COPZ2: variants seen among roughly 807,000 people sequenced by gnomAD.
The protein encoded by COPZ2 is coatomer subunit zeta-2.
Under a neutral mutation model 33.2 loss-of-function variants are expected in COPZ2, and 30 were observed. That is an observed-to-expected ratio of 0.90 (90% CI 0.68 to 1.23). The LOEUF is 1.23. Among genes scored for constraint, COPZ2 ranks in the 50% most tolerant of loss-of-function variants. The probability of loss-of-function intolerance (pLI) is 0.00; values close to 1 mark genes in which losing one functional copy is unlikely to be tolerated. For missense variants in COPZ2, 263 were observed against 262.4 expected, an observed-to-expected ratio of 1.00 and a Z score of -0.02; for synonymous variants, 89 against 102.6, an observed-to-expected ratio of 0.87 and a Z score of 0.80.
the COPZ2 span, chr17:48,046,163 C>T: frequency 1.3e-5 from 2 of 152,174 alleles, no homozygotes; most frequent in African/African-American, 4.8e-5. Context: ...CACAGATAAA[C>T]GATTGTCCAG....
At chr17:48,043,433 T>C in the COPZ2 span, 1 of 779,332 alleles carries the variant, frequency 1.3e-6, no homozygotes, top group Admixed American at 6.3e-5. Flanking sequence ...CTCCCTTGGG[T>C]ACCAGCCTCT....
the COPZ2 span, among the ~76,000 whole-genome samples, chr17:48,044,344 C>CA: frequency 0.016 from 2,129 of 132,288 alleles, 21 homozygotes; most frequent in Non-Finnish European, 0.023. Context: ...GACTCCATCT[C>CA]AAAAAAAAAA....
upstream of COPZ2, among the ~76,000 whole-genome samples, chr17:48,042,968 T>C (rs2037075794): frequency 6.6e-6 from 1 of 152,176 alleles, no homozygotes; most frequent in Non-Finnish European, 1.5e-5. Flanking sequence ...ACATGTGAGC[T>C]ATGTGTGTCC....
At chr17:48,044,403 CTTTTTTTTTT>C in the COPZ2 span, among the ~76,000 whole-genome samples, 6 of 101,778 alleles carry the variant, frequency 5.9e-5, no homozygotes, top group African/African-American at 1.3e-4. Flanking sequence ...CAATCTTTTG[CTTTTTTTTTT>C]TTTTTTTTTT....
At position 48,028,955 on chromosome 17, in the gene COPZ2, G is replaced by A. The variant is rs2036853089; in HGVS notation, c.546+170C>T. Among the ~76,000 whole-genome samples, 1 of 151,972 alleles carries A rather than the reference G, an allele frequency of 6.6e-6. No individual in the cohort carries two copies. Among genetic ancestry groups the A allele is most frequent in the Non-Finnish European group, 1.5e-5 (1 of 67,984 alleles). On this transcript the variant is annotated intron_variant, in intron 7 of 8. Coordinates refer to ENST00000621465, the MANE Select transcript of COPZ2 (RefSeq NM_016429.4). The surrounding 1 kb of genome is among the most constrained non-coding windows in gnomAD (Gnocchi z 4.5). Reference sequence around the variant, plus strand: ...ACAGGAAGATTTCTTCCATTAACTGGCATCCCACCCAGAAACTGCTGCTCA... The same window carrying A: ...ACAGGAAGATTTCTTCCATTAACTGACATCCCACCCAGAAACTGCTGCTCA...
intron 6 of COPZ2, among the ~76,000 whole-genome samples, chr17:48,030,289 A>AACAC (rs71935471): frequency 0.049 from 6,245 of 128,294 alleles, 171 homozygotes; most frequent in African/African-American, 0.087. Flanking sequence ...TCCATCTCAA[A>AACAC]ACACACACAC....
At chr17:48,044,403 C>CTTTTTTTTT in the COPZ2 span, among the ~76,000 whole-genome samples, 16 of 101,772 alleles carry the variant, frequency 1.6e-4, no homozygotes, top group Non-Finnish European at 2.5e-4. Context: ...CAATCTTTTG[C>CTTTTTTTTT]TTTTTTTTTT....
the COPZ2 span, chr17:48,047,133 A>C: frequency 6.6e-6 from 1 of 152,234 alleles, no homozygotes; most frequent in Non-Finnish European, 1.5e-5. Context: ...CTAACTCGCA[A>C]GCACAAAATG....
upstream of COPZ2, among the ~76,000 whole-genome samples, chr17:48,038,266 G>A (rs1451444290): frequency 6.6e-6 from 1 of 152,170 alleles, no homozygotes; most frequent in Non-Finnish European, 1.5e-5. Context: ...CCTCTGTGAA[G>A]AGGCTTTCTC....
In COPZ2 at chr17:48,037,783, T is replaced by TCGCCGCCTCGCACTGACAGCGCCGCC; in HGVS notation, c.-7_-6insGGCGGCGCTGTCAGTGCGAGGCGGCG. 1 of 996,012 alleles carries TCGCCGCCTCGCACTGACAGCGCCGCC rather than the reference T, an allele frequency of 1.0e-6. No individual in the cohort carries two copies. Among genetic ancestry groups the TCGCCGCCTCGCACTGACAGCGCCGCC allele is most frequent in the East Asian group, 1.1e-4 (1 of 9,180 alleles). 61.7% of individuals were successfully genotyped at this position (996,012 alleles called of 1,614,324 possible). A position where few individuals can be genotyped will look rare whatever the true frequency, so the allele number is the denominator to read the frequency against. On this transcript the variant is annotated 5_prime_UTR_variant, in exon 1 of 9. Transcript: ENST00000621465. This position sits in a 1 kb window ranked among gnomAD's most constrained non-coding sequence, Gnocchi z 5.6. ...CAGGCCTCGGGCCGCTGCATTCCGC[T>TCGCCGCCTCGCACTGACAGCGCCGCC]CGCCGCCTCGCACTGACAGCGCCGC...
At chr17:48,046,636 T>C in the COPZ2 span, 1 of 152,256 alleles carries the variant, frequency 6.6e-6, no homozygotes, top group Non-Finnish European at 1.5e-5. Flanking sequence ...CACCTAAATA[T>C]TCCTCCTTTC....
At position 48,036,847 on chromosome 17, in the gene COPZ2, T is replaced by A. The variant is rs774397591; in HGVS notation, c.186+4A>T. 3.7e-6 allele frequency: 6 copies of A among 1,613,238 alleles called. 1 individual carries two copies. In the South Asian group the frequency reaches 6.6e-5, roughly 18 times the overall value. ...TGTCCCTCATGGGTGGGGTCAGAGG[T>A]TACCTTGGCCAGCAGCCGGCGCCCG... On this transcript the variant is annotated splice_donor_region_variant and intron_variant, in intron 2 of 8. Coordinates refer to ENST00000621465, the MANE Select transcript of COPZ2 (RefSeq NM_016429.4).
chr17:48,040,767 G>A (rs1459767314), upstream of COPZ2, among the ~76,000 whole-genome samples: 2 of 151,796 alleles, frequency 1.3e-5, no homozygotes, highest in Non-Finnish European at 2.9e-5. Flanking sequence ...TGAAGTAAAT[G>A]AATAAAGGAA....
At position 48,037,153 on chromosome 17, in the gene COPZ2, G is replaced by A. The variant is rs1167056590; in HGVS notation, c.112-228C>T. The A allele has an allele frequency of 2.6e-6, 2 of 757,958 alleles. No homozygotes were observed. The allele number at this position is 757,958 out of a possible 1,614,324, so 47.0% of individuals were successfully genotyped here. A position where few individuals can be genotyped will look rare whatever the true frequency, so the allele number is the denominator to read the frequency against. On this transcript the variant is annotated intron_variant, in intron 1 of 8. Transcript: ENST00000621465. This position sits in a 1 kb window ranked among gnomAD's most constrained non-coding sequence, Gnocchi z 5.6. Reference sequence around the variant, plus strand: ...CCCGAGTGGGCGCTGTGCCCGTTGGGTGCAGAAGGTCCTTCCGGGCCCAAG... The same window carrying A: ...CCCGAGTGGGCGCTGTGCCCGTTGGATGCAGAAGGTCCTTCCGGGCCCAAG...
Position 48,028,423 on chromosome 17 carries a change from C to T in COPZ2, c.585+49G>A, listed in dbSNP as rs553800802. Reference sequence around the variant, plus strand: ...GGATGCTCTAGGATGCTCTGCTCCCCGTATCTCTCTAGACCATTTCTAGCC... The same window carrying T: ...GGATGCTCTAGGATGCTCTGCTCCCTGTATCTCTCTAGACCATTTCTAGCC... On this transcript the variant is annotated intron_variant, in intron 8 of 8. Coordinates refer to ENST00000621465, the MANE Select transcript of COPZ2 (RefSeq NM_016429.4). This position sits in a 1 kb window ranked among gnomAD's most constrained non-coding sequence, Gnocchi z 4.5. 18 of 1,578,166 alleles carry T rather than the reference C, an allele frequency of 1.1e-5. No individual in the cohort carries two copies. The highest frequency in any genetic ancestry group is 4.6e-5 in the East Asian group (2 of 43,702).
At position 48,026,346 on chromosome 17, in the gene COPZ2, C is replaced by T. The variant is rs2036816369; in HGVS notation, c.*82G>A. On this transcript the variant is annotated 3_prime_UTR_variant, in exon 9 of 9. Transcript: ENST00000621465. ...GAGGGACCTGGGGATACAGAGGGGT[C>T]TCTCCTGACCCTGGGATCTTTGGGC... 8.8e-7 allele frequency: 1 copy of T among 1,134,694 alleles called. No homozygotes were observed. The highest frequency in any genetic ancestry group is 1.3e-5 in the South Asian group (1 of 76,492). The allele number at this position is 1,134,694 out of a possible 1,614,324, so 70.3% of individuals were successfully genotyped here. A position where few individuals can be genotyped will look rare whatever the true frequency, so the allele number is the denominator to read the frequency against.
chr17:48,035,209 C>G (rs1385312964), intron 2 of COPZ2, among the ~76,000 whole-genome samples: 1 of 152,188 alleles, frequency 6.6e-6, no homozygotes, highest in Non-Finnish European at 1.5e-5. Context: ...GGAGGAAAAG[C>G]CTTTGGCCTT....
chr17:48,031,956 G>T, intron 6 of COPZ2, 200 bp downstream of exon 6: 1 of 605,122 alleles, frequency 1.7e-6, no homozygotes, highest in East Asian at 2.8e-5. Context: ...GCTTGACTTT[G>T]GCTAACATTG....
At chr17:48,035,846 C>T (rs1039669390) in intron 2 of COPZ2, among the ~76,000 whole-genome samples, 1 of 150,106 alleles carries the variant, frequency 6.7e-6, no homozygotes, top group African/African-American at 2.5e-5. Flanking sequence ...CTCTGCCTCC[C>T]AGGTTCAAGC....
Sources: allele counts gnomAD v4.1 joint callset (sites outside exome capture counted in the v4.1 genomes callset), GRCh38; gene constraint gnomAD v4.1.1; non-coding constraint Gnocchi (gnomAD v3.1); transcripts MANE v1.5; gene names NCBI Gene and HGNC (gene_info 2026-07-23, HGNC 2026-07-21).